TENM3: variants seen among roughly 807,000 people sequenced by gnomAD.
The protein encoded by TENM3 is teneurin transmembrane protein 3, also known as teneurin-3.
Under a neutral mutation model 255.1 loss-of-function variants are expected in TENM3, and 63 were observed. The ratio of observed to expected loss-of-function variants is 0.25; its 90% CI spans 0.20 to 0.30. The LOEUF is 0.30. Among genes scored for constraint, TENM3 ranks in the 10% least tolerant of loss-of-function variants. The pLI is 1.00. For missense variants in TENM3, 2,929 were observed against 3,461.1 expected, an observed-to-expected ratio of 0.85 and a Z score of 3.86; for synonymous variants, 1,306 against 1,322.3, an observed-to-expected ratio of 0.99 and a Z score of 0.27.
the TENM3 span, among the ~76,000 whole-genome samples, chr4:181,481,246 A>C: frequency 1.9e-3 from 296 of 152,248 alleles, no homozygotes; most frequent in South Asian, 3.3e-3. Flanking sequence ...AATGTATTAA[A>C]TCAAAAGTAA....
At chr4:181,931,189 T>G in the TENM3 span, among the ~76,000 whole-genome samples, 2 of 152,078 alleles carry the variant, frequency 1.3e-5, no homozygotes, top group Non-Finnish European at 2.9e-5. Flanking sequence ...GAGAAAGAAA[T>G]AAAGAGTATT....
the TENM3 span, among the ~76,000 whole-genome samples, chr4:182,104,814 C>A: frequency 7.9e-5 from 12 of 151,962 alleles, no homozygotes; most frequent in Admixed American, 2.6e-4. Flanking sequence ...TGCCAGGACT[C>A]TCTGGGTAAT....
At chr4:181,865,645 C>T in the TENM3 span, among the ~76,000 whole-genome samples, 5 of 152,206 alleles carry the variant, frequency 3.3e-5, no homozygotes, top group African/African-American at 1.2e-4. Context: ...ATCAGTGACT[C>T]TCTAAGCTTT....
chr4:181,740,186 T>A, the TENM3 span, among the ~76,000 whole-genome samples: 2 of 152,202 alleles, frequency 1.3e-5, no homozygotes, highest in African/African-American at 4.8e-5. Flanking sequence ...GGTGGTTTAG[T>A]AGCCTGAAAT....
At chr4:181,807,081 T>C in the TENM3 span, among the ~76,000 whole-genome samples, 1 of 152,194 alleles carries the variant, frequency 6.6e-6, no homozygotes, top group Non-Finnish European at 1.5e-5. Flanking sequence ...CCGTCTCAGA[T>C]ACCTGATATT....
chr4:181,767,486 A>G, the TENM3 span, among the ~76,000 whole-genome samples: 27 of 152,254 alleles, frequency 1.8e-4, no homozygotes, highest in African/African-American at 5.8e-4. Context: ...AGGAATAAAT[A>G]CATTATAATT....
intron 3 of TENM3, among the ~76,000 whole-genome samples, chr4:182,580,887 C>CT (rs1745426970): frequency 6.6e-6 from 1 of 152,114 alleles, no homozygotes; most frequent in Non-Finnish European, 1.5e-5. Context: ...TCAACAATAT[C>CT]CATTGTTTGA....
chr4:182,652,639 A>G (rs959988672), intron 5 of TENM3, among the ~76,000 whole-genome samples: 25 of 152,234 alleles, frequency 1.6e-4, no homozygotes, highest in African/African-American at 6.0e-4. Context: ...CCCCTGCTCC[A>G]TGTACTGTAG....
At chr4:182,195,215 T>C (rs868771587) in intron 1 of TENM3, among the ~76,000 whole-genome samples, 21 of 152,122 alleles carry the variant, frequency 1.4e-4, no homozygotes, top group Admixed American at 5.2e-4. Context: ...AGAGATTTGA[T>C]TTGCAAAGGA....
At chr4:182,149,037 G>T (rs977411467) in intron 1 of TENM3, among the ~76,000 whole-genome samples, 1 of 151,810 alleles carries the variant, frequency 6.6e-6, no homozygotes, top group Non-Finnish European at 1.5e-5. Flanking sequence ...TCTAAAGAAA[G>T]ATGTAACTGC....
chr4:182,757,009 T>C (rs1231367330), intron 22 of TENM3, among the ~76,000 whole-genome samples: 1 of 152,088 alleles, frequency 6.6e-6, no homozygotes, highest in Non-Finnish European at 1.5e-5. Flanking sequence ...GGAGAGCTGC[T>C]CTGATTCTAA....
At chr4:181,989,830 A>C in the TENM3 span, among the ~76,000 whole-genome samples, 441 of 152,300 alleles carry the variant, frequency 2.9e-3, 4 homozygotes, top group African/African-American at 0.01. Flanking sequence ...AATTCAACCT[A>C]TAAGTGACTG....
chr4:181,847,643 G>T, the TENM3 span, among the ~76,000 whole-genome samples: 10 of 151,630 alleles, frequency 6.6e-5, no homozygotes, highest in Non-Finnish European at 1.2e-4. Flanking sequence ...TATGCAAATA[G>T]AAATATATTG....
the TENM3 span, among the ~76,000 whole-genome samples, chr4:182,020,994 T>C: frequency 6.6e-6 from 1 of 152,160 alleles, no homozygotes; most frequent in Non-Finnish European, 1.5e-5. Context: ...GTTTGTTACA[T>C]GGGTATATTG....
At chr4:182,676,026 A>C (rs1363716192) in intron 7 of TENM3, among the ~76,000 whole-genome samples, 1 of 152,258 alleles carries the variant, frequency 6.6e-6, no homozygotes, top group African/African-American at 2.4e-5. Context: ...TCAGCAGAGC[A>C]AACAACTGTT....
intron 2 of TENM3, among the ~76,000 whole-genome samples, chr4:182,339,417 G>GCTCC (rs1208817027): frequency 1.1e-4 from 16 of 152,130 alleles, no homozygotes; most frequent in African/African-American, 2.4e-5. Context: ...TTTCCTCTTA[G>GCTCC]CTCCCTCTTT....
intron 3 of TENM3, among the ~76,000 whole-genome samples, chr4:182,487,300 G>A (rs1182539948): frequency 1.3e-5 from 2 of 152,012 alleles, no homozygotes; most frequent in Non-Finnish European, 2.9e-5. Context: ...GATTATTATG[G>A]TTACTATTAT....
the TENM3 span, among the ~76,000 whole-genome samples, chr4:181,528,305 AATT>A: frequency 6.6e-6 from 1 of 152,202 alleles, no homozygotes; most frequent in South Asian, 2.1e-4. Flanking sequence ...AGTAGCATAA[AATT>A]ATTATTTTGA....
At chr4:181,777,162 C>G in the TENM3 span, among the ~76,000 whole-genome samples, 1 of 151,990 alleles carries the variant, frequency 6.6e-6, no homozygotes, top group Non-Finnish European at 1.5e-5. Flanking sequence ...ATCCAGTTTT[C>G]CTAGCATTAT....
Sources: allele counts gnomAD v4.1 joint callset (sites outside exome capture counted in the v4.1 genomes callset), GRCh38; gene constraint gnomAD v4.1.1; transcripts MANE v1.5; gene names NCBI Gene and HGNC (gene_info 2026-07-23, HGNC 2026-07-21).